Variants in EPHA5 observed in about 807,000 individuals in gnomAD.
EPHA5 encodes EPH receptor A5.
In EPHA5, 60 loss-of-function variants were observed where a neutral mutation model predicts 105.0. That is an observed-to-expected ratio of 0.57 (90% CI 0.46 to 0.71). EPHA5 has a LOEUF of 0.71. Ranked by LOEUF, EPHA5 falls within the 30% of genes least tolerant of loss-of-function variation. The probability of loss-of-function intolerance (pLI) is 0.00; values close to 1 mark genes in which losing one functional copy is unlikely to be tolerated. For missense variants in EPHA5, 1,218 were observed against 1,274.7 expected (o/e 0.96, Z 0.68); for synonymous variants, 513 against 449.1 (o/e 1.14, Z -1.80).
intron 3 of EPHA5, among the ~76,000 whole-genome samples, chr4:65,600,655 G>A (rs1743631061): frequency 6.6e-6 from 1 of 152,000 alleles, no homozygotes; most frequent in Non-Finnish European, 1.5e-5. Flanking sequence ...GGGACTAAGG[G>A]GCTGCTCAGC....
intron 5 of EPHA5, among the ~76,000 whole-genome samples, chr4:65,446,797 C>T (rs1041823928): frequency 1.3e-5 from 2 of 151,756 alleles, no homozygotes; most frequent in Admixed American, 6.6e-5. Context: ...TATATGGCTG[C>T]GACACAAATG....
intron 8 of EPHA5, among the ~76,000 whole-genome samples, chr4:65,390,833 G>A (rs1221766930): frequency 1.3e-5 from 2 of 151,764 alleles, no homozygotes; most frequent in Admixed American, 1.3e-4. Context: ...CATTAGAGGA[G>A]AAAAAAAGTA....
chr4:65,533,779 C>G (rs1188203637), intron 3 of EPHA5, among the ~76,000 whole-genome samples: 5 of 151,776 alleles, frequency 3.3e-5, no homozygotes, highest in South Asian at 2.1e-4. Context: ...ACTAAAAATA[C>G]AAAAATTAGC....
At chr4:65,568,874 G>A (rs1366807643) in intron 3 of EPHA5, among the ~76,000 whole-genome samples, 3 of 150,810 alleles carry the variant, frequency 2.0e-5, no homozygotes, top group East Asian at 3.9e-4. Flanking sequence ...TTTAGTTTTA[G>A]TTTATTGTTT....
intron 3 of EPHA5, among the ~76,000 whole-genome samples, chr4:65,510,031 CT>C (rs11300558): frequency 0.16 from 19,268 of 119,194 alleles, 1,641 homozygotes; most frequent in African/African-American, 0.29. Flanking sequence ...ATACATACTT[CT>C]TTTTTTTTTT....
chr4:65,330,670 G>T (rs1036105977), intron 16 of EPHA5: 22 of 736,656 alleles, frequency 3.0e-5, no homozygotes, highest in African/African-American at 3.8e-5. Flanking sequence ...AAATTAAAAT[G>T]ACCATTTTTA....
In EPHA5 at chr4:65,608,973, G is replaced by A. The variant is rs551631545; in HGVS notation, c.247-6669C>T. On this transcript the variant is annotated intron_variant, in intron 2 of 16. Transcript: ENST00000613740. ...GAAAGATTCATTACCTAATGAACTA[G>A]GTATTTATGTTTTCAAAAGACAAAA... Among the ~76,000 whole-genome samples the A allele has an allele frequency of 2.6e-5, 4 of 152,188 alleles. No homozygotes were observed. The South Asian group carries it at 8.3e-4, about 32-fold the overall frequency.
intron 3 of EPHA5, among the ~76,000 whole-genome samples, chr4:65,518,175 T>C (rs1257006920): frequency 6.6e-6 from 1 of 151,968 alleles, no homozygotes; most frequent in Non-Finnish European, 1.5e-5. Flanking sequence ...ACTTTTTTGG[T>C]CATGATATAA....
At chr4:65,430,577 A>G (rs1724875195) in intron 5 of EPHA5, among the ~76,000 whole-genome samples, 1 of 152,092 alleles carries the variant, frequency 6.6e-6, no homozygotes, top group East Asian at 1.9e-4. Context: ...CACTTTATAT[A>G]CATTAACTCA....
intron 5 of EPHA5, among the ~76,000 whole-genome samples, chr4:65,447,626 A>G (rs1446903045): frequency 2.0e-5 from 3 of 152,032 alleles, no homozygotes; most frequent in Non-Finnish European, 4.4e-5. Context: ...TAAATCAACA[A>G]TATGCATTCA....
At chr4:65,393,121 T>C (rs1309897586) in intron 8 of EPHA5, among the ~76,000 whole-genome samples, 1 of 152,188 alleles carries the variant, frequency 6.6e-6, no homozygotes, top group Non-Finnish European at 1.5e-5. Context: ...CAGTAAGGCT[T>C]AAATATTGAG....
At chr4:65,413,308 A>C (rs1181974332) in intron 7 of EPHA5, among the ~76,000 whole-genome samples, 2 of 152,138 alleles carry the variant, frequency 1.3e-5, no homozygotes, top group Non-Finnish European at 2.9e-5. Flanking sequence ...TATAAAATTC[A>C]GTGAAACAAC....
At chr4:65,630,661 CTCT>C (rs1375910814) in intron 2 of EPHA5, among the ~76,000 whole-genome samples, 2 of 152,104 alleles carry the variant, frequency 1.3e-5, no homozygotes, top group South Asian at 2.1e-4. Context: ...TTGCCTCAGA[CTCT>C]TCTTCTGCCT....
chr4:65,341,511 T>A (rs920037687), intron 14 of EPHA5, among the ~76,000 whole-genome samples: 1 of 151,434 alleles, frequency 6.6e-6, no homozygotes, highest in Non-Finnish European at 1.5e-5. Context: ...AATATACATA[T>A]GAATGCCACC....
chr4:65,489,512 G>T (rs1194278617), intron 5 of EPHA5, among the ~76,000 whole-genome samples: 2 of 152,180 alleles, frequency 1.3e-5, no homozygotes, highest in African/African-American at 4.8e-5. Context: ...ATAGAGGAAA[G>T]TTACAACTTT....
intron 3 of EPHA5, chr4:65,574,182 G>A: frequency 6.2e-7 from 1 of 1,605,480 alleles, no homozygotes; most frequent in Non-Finnish European, 8.5e-7. Context: ...AGGGAAATAT[G>A]AGATTACGGA....
At chr4:65,330,339 A>C (rs1577823623) in intron 16 of EPHA5, among the ~76,000 whole-genome samples, 1 of 149,422 alleles carries the variant, frequency 6.7e-6, no homozygotes, top group East Asian at 2.0e-4. Context: ...ATAGGAAAGA[A>C]ATAGAAAAAA....
intron 8 of EPHA5, among the ~76,000 whole-genome samples, chr4:65,384,095 G>A (rs1231816100): frequency 6.6e-6 from 1 of 151,786 alleles, no homozygotes; most frequent in Non-Finnish European, 1.5e-5. Context: ...GGTTGTGCAG[G>A]GACACAGGAG....
intron 5 of EPHA5, among the ~76,000 whole-genome samples, chr4:65,489,873 G>C (rs1189447292): frequency 3.3e-5 from 5 of 152,028 alleles, no homozygotes; most frequent in Admixed American, 6.5e-5. Context: ...ACTTAGCAAA[G>C]AAAATTTCAT....
Sources: allele counts gnomAD v4.1 joint callset (sites outside exome capture counted in the v4.1 genomes callset), GRCh38; gene constraint gnomAD v4.1.1; transcripts MANE v1.5; gene names NCBI Gene and HGNC (gene_info 2026-07-23, HGNC 2026-07-21).